CACNA1H: variants seen among roughly 807,000 people sequenced by gnomAD.
The protein encoded by CACNA1H is voltage-dependent T-type calcium channel subunit alpha-1H.
Under a neutral mutation model 192.5 loss-of-function variants are expected in CACNA1H, and 149 were observed. That is an observed-to-expected ratio of 0.77 (90% CI 0.68 to 0.89). CACNA1H has a LOEUF of 0.89. Ranked by LOEUF, CACNA1H falls within the 40% of genes least tolerant of loss-of-function variation. The probability of loss-of-function intolerance (pLI) is 0.00; values close to 1 mark genes in which losing one functional copy is unlikely to be tolerated. For missense variants in CACNA1H, 4,257 were observed against 3,423.5 expected (o/e 1.24, Z -6.08); for synonymous variants, 2,202 against 1,475.2 (o/e 1.49, Z -11.29).
Position 1,217,875 on chromosome 16 carries a change from C to T in CACNA1H, c.5324-44C>T, listed in dbSNP as rs1156360583. ...GGCTGGGTGCATGTCCCGCCTCCAC[C>T]CGGAGCGGGCTCGGCTGACCGGGCG... On this transcript the variant is annotated intron_variant, in intron 31 of 34. Transcript: ENST00000348261. 3.2e-6 allele frequency: 5 copies of T among 1,554,160 alleles called. No homozygotes were observed. In the South Asian group the frequency reaches 3.6e-5, roughly 11 times the overall value.
At position 1,220,701 on chromosome 16, in the gene CACNA1H, C is replaced by T. The variant is rs770202267; in HGVS notation, c.6769C>T (p.Arg2257Trp). Residue 2257 changes from arginine to tryptophan, a missense_variant, in exon 35 of 35, where the codon CGG (arginine) becomes TGG (tryptophan). Physicochemically the swap from Arg to Trp is moderately radical, Grantham distance 101. Transcript: ENST00000348261. The stretch of plus-strand genomic sequence containing the variant: ...GGAGCGCTGGGGCCAGGCCTCCTGC[C>T]GGGCTGAGCACCTGACCGTCCCCAG... Reference protein sequence around the residue: ...KGERWGQASCRAEHLTVPSFA... With the variant: ...KGERWGQASCWAEHLTVPSFA... 14 of 1,611,404 alleles carry T rather than the reference C, an allele frequency of 8.7e-6. No individual in the cohort carries two copies. Among genetic ancestry groups the T allele is most frequent in the Middle Eastern group, 3.3e-4 (2 of 6,052 alleles).
At chr16:1,164,917 G>A (rs889733778) in intron 2 of CACNA1H, among the ~76,000 whole-genome samples, 1 of 152,190 alleles carries the variant, frequency 6.6e-6, no homozygotes, top group African/African-American at 2.4e-5. Flanking sequence ...CCTTTTGCTG[G>A]TCCCTGGCTT....
intron 2 of CACNA1H, among the ~76,000 whole-genome samples, chr16:1,174,173 A>T (rs1259118486): frequency 3.3e-5 from 5 of 152,082 alleles, no homozygotes; most frequent in Non-Finnish European, 1.5e-5. Context: ...GTCTCCAAGG[A>T]AGGGCAGAGG....
chr16:1,201,212 C>G (rs753334373), intron 8 of CACNA1H, among the ~76,000 whole-genome samples: 3 of 152,126 alleles, frequency 2.0e-5, no homozygotes, highest in Non-Finnish European at 2.9e-5. Context: ...TAGAGCCACC[C>G]TGCGGGGACC....
At chr16:1,176,840 C>G (rs1307203235) in intron 2 of CACNA1H, among the ~76,000 whole-genome samples, 6 of 152,168 alleles carry the variant, frequency 3.9e-5, no homozygotes, top group African/African-American at 1.2e-4. Context: ...CCCCGCGTCT[C>G]TTCACCCCAG....
At position 1,208,036 on chromosome 16, in the gene CACNA1H, G is replaced by T. The variant is rs369966669; in HGVS notation, c.3178G>T (p.Val1060Leu). ...TTELKMCSLA[V>L]TPNGHLEGRG... ...AGAGCTGAAGATGTGTTCCCTGGCC[G>T]TGACCCCCAACGGGCACCTGGAGGG... The change falls in exon 16 of 35, where the codon GTG becomes TTG. Residue 1060 changes from valine (V) to leucine (L), a missense_variant. Transcript: ENST00000348261. 1.9e-6 allele frequency: 3 copies of T among 1,606,400 alleles called. No homozygotes were observed. The highest frequency in any genetic ancestry group is 1.1e-5 in the South Asian group (1 of 89,524).
intron 9 of CACNA1H, among the ~76,000 whole-genome samples, chr16:1,203,363 T>C (rs1438929987): frequency 6.6e-6 from 1 of 152,220 alleles, no homozygotes; most frequent in South Asian, 2.1e-4. Flanking sequence ...ACTTCGCCTG[T>C]GTGCTGTGGC....
intron 27 of CACNA1H, 143 bp downstream of exon 27, chr16:1,214,074 G>C (rs376438661): frequency 1.3e-6 from 1 of 742,298 alleles, no homozygotes; most frequent in South Asian, 1.8e-5. Context: ...GTGTGAACAC[G>C]GGTCTTTTAA....
intron 18 of CACNA1H, 29 bp downstream of exon 18, chr16:1,210,164 G>GAGAGGACT: frequency 6.6e-7 from 1 of 1,524,848 alleles, no homozygotes; most frequent in Non-Finnish European, 8.9e-7. Flanking sequence ...GAGGCTGCAT[G>GAGAGGACT]GCTAGTTCCA....
chr16:1,220,659 GA>G lies in CACNA1H; in HGVS notation c.6728del (p.Asp2243AlafsTer19), dbSNP rs1307480282. ...EPTEGSGAGG[D>X]PAAKGERWGQ... Reference sequence around the variant, plus strand: ...CACAGAGGGCTCAGGCGCCGGGGGGGACCCTGCAGCCAAGGGGGAGCGCTGG... The same window carrying G: ...CACAGAGGGCTCAGGCGCCGGGGGGGCCCTGCAGCCAAGGGGGAGCGCTGG... On this transcript the variant is annotated frameshift_variant, in exon 35 of 35. Coordinates refer to ENST00000348261, the MANE Select transcript of CACNA1H (RefSeq NM_021098.3). LOFTEE classifies it low-confidence loss of function (END_TRUNC). 3 of 1,606,328 alleles carry G rather than the reference GA, an allele frequency of 1.9e-6. No homozygotes were observed. The highest frequency in any genetic ancestry group is 2.5e-6 in the Non-Finnish European group (3 of 1,176,796).
At chr16:1,209,658 G>A (rs911612200) in intron 17 of CACNA1H, among the ~76,000 whole-genome samples, 15 of 152,342 alleles carry the variant, frequency 9.8e-5, no homozygotes, top group Admixed American at 5.9e-4. Context: ...GCCTGCATAC[G>A]GGGGCTGGGC....
chr16:1,174,900 G>A (rs1159369259), intron 2 of CACNA1H, among the ~76,000 whole-genome samples: 2 of 152,008 alleles, frequency 1.3e-5, no homozygotes. Flanking sequence ...GGGCCGGCGG[G>A]AGGCCCCCAC....
At chr16:1,163,921 C>T (rs535156756) in intron 2 of CACNA1H, among the ~76,000 whole-genome samples, 5 of 152,322 alleles carry the variant, frequency 3.3e-5, no homozygotes, top group African/African-American at 7.2e-5. Context: ...GACCCTCCCG[C>T]TTGTGACTCA....
intron 2 of CACNA1H, among the ~76,000 whole-genome samples, chr16:1,166,323 G>T (rs1963769716): frequency 6.6e-6 from 1 of 152,214 alleles, no homozygotes; most frequent in South Asian, 2.1e-4. Context: ...ACCCTGCTCA[G>T]CTCCGTGGCT....
At chr16:1,158,402 A>T (rs1236522449) in intron 2 of CACNA1H, among the ~76,000 whole-genome samples, 1 of 151,912 alleles carries the variant, frequency 6.6e-6, no homozygotes, top group African/African-American at 2.4e-5. Flanking sequence ...GCCTGGGGGC[A>T]GCTCATCCTT....
intron 2 of CACNA1H, among the ~76,000 whole-genome samples, chr16:1,192,878 G>A (rs1337693551): frequency 6.6e-6 from 1 of 152,172 alleles, no homozygotes; most frequent in Non-Finnish European, 1.5e-5. Context: ...TGTGTGTGCT[G>A]GTTGGGAGCC....
intron 2 of CACNA1H, among the ~76,000 whole-genome samples, chr16:1,191,207 C>T (rs1335382303): frequency 1.1e-5 from 1 of 91,368 alleles, no homozygotes; most frequent in Non-Finnish European, 2.0e-5. Flanking sequence ...ACTCAGCAGG[C>T]TGGCCTGGCT....
rs765403096 is a variant in CACNA1H, at chr16:1,217,988, T to C, written c.5393T>C (p.Phe1798Ser). ...HATFSNFGMA[F>S]LTLFRVSTGD... The stretch of plus-strand genomic sequence containing the variant: ...ACCTTCAGCAACTTCGGCATGGCCT[T>C]CCTCACGCTGTTCCGCGTGTCCACG... Residue 1798 changes from phenylalanine to serine, a missense_variant, in exon 32 of 35, where the codon TTC (phenylalanine) becomes TCC (serine). Phe to Ser is a radical substitution (Grantham distance 155). Transcript: ENST00000348261. 1 of 1,604,428 alleles carries C rather than the reference T, an allele frequency of 6.2e-7. No individual in the cohort carries two copies.
intron 18 of CACNA1H, 22 bp from the exon 19 acceptor site, chr16:1,210,348 T>TCCCCCCCCCC: frequency 1.3e-4 from 37 of 277,472 alleles, no homozygotes; most frequent in South Asian, 3.4e-4. Context: ...GCCCCACCTC[T>TCCCCCCCCCC]CACCCGCCCC....
Sources: gnomAD v4.1 joint callset for allele counts (sites outside exome capture counted in the v4.1 genomes callset) on GRCh38, gnomAD v4.1.1 for gene constraint, MANE v1.5 for transcripts, NCBI Gene and HGNC (gene_info 2026-07-23, HGNC 2026-07-21) for gene names.